MPPED2: variants seen among roughly 807,000 people sequenced by gnomAD.
MPPED2 encodes metallophosphoesterase domain containing 2, also known as metallophosphoesterase MPPED2.
In MPPED2, 5 loss-of-function variants were observed where a neutral mutation model predicts 33.0. The observed-to-expected ratio is 0.15, with a 90% CI of 0.08 to 0.32. The LOEUF (loss-of-function observed/expected upper bound fraction) is 0.32, where lower values mean the gene tolerates loss of function less well. Ranked by LOEUF, MPPED2 falls within the 10% of genes least tolerant of loss-of-function variation. The probability of loss-of-function intolerance (pLI) is 1.00; values close to 1 mark genes in which losing one functional copy is unlikely to be tolerated. For synonymous variants in MPPED2, 136 were observed against 141.9 expected (o/e 0.96, Z 0.29); for missense variants, 275 against 372.1 (o/e 0.74, Z 2.15).
intron 6 of MPPED2, among the ~76,000 whole-genome samples, chr11:30,403,861 A>G (rs1026836101): frequency 4.6e-5 from 7 of 152,232 alleles, no homozygotes; most frequent in Non-Finnish European, 1.0e-4. Context: ...TGTCTTCAGC[A>G]TGGGGAGATG....
intron 6 of MPPED2, among the ~76,000 whole-genome samples, chr11:30,413,171 C>T (rs111691031): frequency 1.3e-5 from 2 of 152,316 alleles, no homozygotes; most frequent in African/African-American, 4.8e-5. Context: ...TTTCAATATG[C>T]TCTTTATTAC....
intron 4 of MPPED2, among the ~76,000 whole-genome samples, chr11:30,436,685 C>T (rs1008679678): frequency 4.6e-5 from 7 of 152,172 alleles, no homozygotes; most frequent in Non-Finnish European, 7.3e-5. Context: ...ATGTTTTAGC[C>T]TGTGCTGTAT....
At chr11:30,464,166 A>G (rs142389974) in intron 4 of MPPED2, among the ~76,000 whole-genome samples, 11 of 152,170 alleles carry the variant, frequency 7.2e-5, no homozygotes, top group Non-Finnish European at 1.0e-4. Context: ...CTTTTATCAG[A>G]GGCAGAGGTT....
intron 3 of MPPED2, among the ~76,000 whole-genome samples, chr11:30,502,982 C>T (rs963285337): frequency 2.0e-5 from 3 of 152,098 alleles, no homozygotes; most frequent in Admixed American, 2.0e-4. Flanking sequence ...AATTCCAGAA[C>T]ATTTACTTTT....
At chr11:30,444,820 C>G (rs1347393712) in intron 4 of MPPED2, among the ~76,000 whole-genome samples, 4 of 152,110 alleles carry the variant, frequency 2.6e-5, no homozygotes, top group African/African-American at 9.7e-5. Context: ...GCATTATTAT[C>G]TTAAATCCCC....
chr11:30,555,484 G>C (rs934015441), intron 2 of MPPED2, among the ~76,000 whole-genome samples: 1 of 152,058 alleles, frequency 6.6e-6, no homozygotes, highest in Non-Finnish European at 1.5e-5. Context: ...ATCTTTAATC[G>C]TAGCTCCCAT....
intron 4 of MPPED2, among the ~76,000 whole-genome samples, chr11:30,423,820 A>T (rs1948719934): frequency 6.6e-6 from 1 of 152,184 alleles, no homozygotes; most frequent in Non-Finnish European, 1.5e-5. Context: ...ACATACACAG[A>T]GAGAATTGCT....
At chr11:30,519,975 A>G (rs1448852037) in intron 3 of MPPED2, among the ~76,000 whole-genome samples, 1 of 152,188 alleles carries the variant, frequency 6.6e-6, no homozygotes, top group African/African-American at 2.4e-5. Context: ...AGACAAATCA[A>G]AGCTCAGAGG....
chr11:30,436,175 G>A (rs1364253111), intron 4 of MPPED2, among the ~76,000 whole-genome samples: 1 of 147,614 alleles, frequency 6.8e-6, no homozygotes, highest in Non-Finnish European at 1.5e-5. Flanking sequence ...TCTCTAAACT[G>A]TAAACCGCCA....
chr11:30,464,415 T>G lies in MPPED2; in HGVS notation c.536+30881A>C, dbSNP rs79387661. On this transcript the variant is annotated intron_variant, in intron 4 of 6. Coordinates refer to ENST00000358117, the MANE Select transcript of MPPED2 (RefSeq NM_001584.3). ...CCCAAGAAAGAGAAATTGATAACAC[T>G]ACATTGAAAACACAACCTACTTACA... is the stretch of plus-strand genomic sequence containing the variant. Among the ~76,000 whole-genome samples, 1,375 of 152,262 alleles carry G rather than the reference T, an allele frequency of 9.0e-3. 33 individuals are homozygous for G. Among genetic ancestry groups the G allele is most frequent in the African/African-American group, 0.029 (1,204 of 41,534 alleles).
chr11:30,463,602 A>G (rs1378394959), intron 4 of MPPED2, among the ~76,000 whole-genome samples: 1 of 152,210 alleles, frequency 6.6e-6, no homozygotes, highest in African/African-American at 2.4e-5. Context: ...GCCTAAGGAG[A>G]CAGCATGCCT....
At position 30,468,256 on chromosome 11, in the gene MPPED2, ACT is replaced by A. The variant is rs3837402; in HGVS notation, c.536+27038_536+27039del. 5.1e-3 allele frequency among the ~76,000 whole-genome samples: 729 copies of A among 142,880 alleles called. 5 individuals carry two copies. Among genetic ancestry groups the A allele is most frequent in the African/African-American group, 0.017 (631 of 36,900 alleles). 93.7% of individuals were successfully genotyped at this position (142,880 alleles called of 152,430 possible). On this transcript the variant is annotated intron_variant, in intron 4 of 6. Transcript: ENST00000358117. Reference sequence around the variant, plus strand: ...CACACACACACACACACACACACACACTCTCTCTCTCTCTCTCTCTCTCTTTC... The same window carrying A: ...CACACACACACACACACACACACACACTCTCTCTCTCTCTCTCTCTCTTTC...
intron 3 of MPPED2, 129 bp downstream of exon 3, chr11:30,535,865 G>A (rs1428908008): frequency 1.4e-5 from 9 of 651,102 alleles, no homozygotes; most frequent in Non-Finnish European, 2.0e-5. Context: ...ATTAAAGCTA[G>A]ACACCACCGC....
chr11:30,495,471 T>G lies in MPPED2; in HGVS notation c.361A>C (p.Thr121Pro). ...KIVIAGNHEL[T>P]FDKEFMADLV... is the part of the protein sequence containing the mutation. ...TCTGCCATGAATTCCTTATCAAATG[T>G]CAGTTCATGATTCCCAGCAATCACT... The change falls in exon 4 of 7, where the codon ACA becomes CCA. Residue 121 changes from threonine (T) to proline (P), a missense_variant. Thr to Pro is a conservative substitution (Grantham distance 38). Transcript: ENST00000358117. The G allele has an allele frequency of 6.2e-7, 1 of 1,614,146 alleles. No individual in the cohort carries two copies. Among genetic ancestry groups the G allele is most frequent in the Non-Finnish European group, 8.5e-7 (1 of 1,179,998 alleles).
At chr11:30,462,105 G>A (rs1722298723) in intron 4 of MPPED2, among the ~76,000 whole-genome samples, 1 of 152,108 alleles carries the variant, frequency 6.6e-6, no homozygotes, top group South Asian at 2.1e-4. Context: ...TAAAAAACTT[G>A]GAAAGCTTTG....
At chr11:30,517,085 C>G (rs753800748) in intron 3 of MPPED2, among the ~76,000 whole-genome samples, 17 of 152,184 alleles carry the variant, frequency 1.1e-4, no homozygotes, top group Non-Finnish European at 1.9e-4. Flanking sequence ...AATTGAATTA[C>G]ACAGCCTGCT....
At chr11:30,445,547 C>T (rs1458806184) in intron 4 of MPPED2, among the ~76,000 whole-genome samples, 1 of 152,198 alleles carries the variant, frequency 6.6e-6, no homozygotes, top group African/African-American at 2.4e-5. Context: ...GTGCAACTAT[C>T]ACTACCAACC....
At chr11:30,560,765 A>G (rs1249011067) in intron 2 of MPPED2, among the ~76,000 whole-genome samples, 1 of 152,240 alleles carries the variant, frequency 6.6e-6, no homozygotes, top group Non-Finnish European at 1.5e-5. Context: ...TGCAAATGCA[A>G]TCTTGCTGAT....
chr11:30,503,681 C>T (rs1216000833), intron 3 of MPPED2, among the ~76,000 whole-genome samples: 2 of 152,146 alleles, frequency 1.3e-5, no homozygotes, highest in East Asian at 1.9e-4. Flanking sequence ...AACCTAGTTC[C>T]ATAAAGCTGA....
Sources: allele counts gnomAD v4.1 joint callset (sites outside exome capture counted in the v4.1 genomes callset), GRCh38; gene constraint gnomAD v4.1.1; transcripts MANE v1.5; gene names NCBI Gene and HGNC (gene_info 2026-07-23, HGNC 2026-07-21).